ITSN1: variants seen among roughly 807,000 people sequenced by gnomAD.
The protein encoded by ITSN1 is intersectin-1.
A neutral mutation model predicts 239.8 loss-of-function variants in ITSN1; 58 were observed. That is an observed-to-expected ratio of 0.24 (90% CI 0.20 to 0.30). The LOEUF is 0.30. Among genes scored for constraint, ITSN1 ranks in the 10% least tolerant of loss-of-function variants. The pLI is 1.00. For missense variants in ITSN1, 1,558 were observed against 2,103.3 expected (o/e 0.74, Z 5.07); for synonymous variants, 780 against 770.8 (o/e 1.01, Z -0.20).
chr21:33,698,299 C>G (rs1423066213), intron 1 of ITSN1, among the ~76,000 whole-genome samples: 1 of 152,048 alleles, frequency 6.6e-6, no homozygotes, highest in Non-Finnish European at 1.5e-5. Flanking sequence ...ATTGCTGGAC[C>G]CTGGTCATTC....
chr21:33,861,262 G>A (rs1222648808), intron 31 of ITSN1, among the ~76,000 whole-genome samples: 2 of 152,156 alleles, frequency 1.3e-5, no homozygotes, highest in East Asian at 1.9e-4. Flanking sequence ...ACTGTGATGA[G>A]GGGAGATCGA....
At chr21:33,728,037 T>C (rs1416424630) in intron 4 of ITSN1, among the ~76,000 whole-genome samples, 2 of 151,578 alleles carry the variant, frequency 1.3e-5, no homozygotes, top group African/African-American at 2.4e-5. Flanking sequence ...CAATCTGGGC[T>C]CACTGCAACC....
chr21:33,875,620 G>A (rs1983605239), intron 34 of ITSN1, 99 bp downstream of exon 34: 1 of 1,077,716 alleles, frequency 9.3e-7, no homozygotes, highest in Non-Finnish European at 1.3e-6. Context: ...CTCCTCCCCA[G>A]CCGATAGCAT....
rs1450316114 is a variant in ITSN1, at chr21:33,689,827, G to A, written c.-32-28970G>A. 2.6e-5 allele frequency among the ~76,000 whole-genome samples: 4 copies of A among 151,914 alleles called. 1 individual carries two copies. Among genetic ancestry groups the A allele is most frequent in the Admixed American group, 1.3e-4 (2 of 15,238 alleles). ...TACTGAAAATACAAAAGTTAGCCGGGCATGGTGGCGCACGCCTGTAATCCC... is the reference window on the plus strand; with the variant it reads ...TACTGAAAATACAAAAGTTAGCCGGACATGGTGGCGCACGCCTGTAATCCC... On this transcript the variant is annotated intron_variant, in intron 1 of 39. Coordinates refer to ENST00000381318, the MANE Select transcript of ITSN1 (RefSeq NM_003024.3).
intron 33 of ITSN1, among the ~76,000 whole-genome samples, chr21:33,868,149 CCAGTGG>C (rs1981996033): frequency 6.6e-6 from 1 of 152,170 alleles, no homozygotes; most frequent in South Asian, 2.1e-4. Context: ...TTGGTAGAGC[CCAGTGG>C]CCTGTTTTGA....
chr21:33,747,999 T>G (rs2067288412), intron 5 of ITSN1, among the ~76,000 whole-genome samples: 1 of 152,074 alleles, frequency 6.6e-6, no homozygotes, highest in African/African-American at 2.4e-5. Context: ...TATAAAGTAA[T>G]AATTATAACT....
chr21:33,670,149 C>T (rs2090176090), intron 1 of ITSN1, among the ~76,000 whole-genome samples: 2 of 152,106 alleles, frequency 1.3e-5, no homozygotes, highest in Non-Finnish European at 2.9e-5. Context: ...ATCACTTGAG[C>T]CCAGGACCAG....
At chr21:33,848,949 C>T (rs1039523535) in intron 29 of ITSN1, among the ~76,000 whole-genome samples, 1 of 152,232 alleles carries the variant, frequency 6.6e-6, no homozygotes, top group Non-Finnish European at 1.5e-5. Context: ...TTGAATTAGA[C>T]CTAGTATTTG....
At chr21:33,796,144 A>G (rs1334057502) in intron 17 of ITSN1, among the ~76,000 whole-genome samples, 2 of 151,898 alleles carry the variant, frequency 1.3e-5, no homozygotes, top group African/African-American at 2.4e-5. Flanking sequence ...TTATATTATT[A>G]GTAGAGATGG....
chr21:33,678,053 G>T (rs1446111326), intron 1 of ITSN1, among the ~76,000 whole-genome samples: 1 of 152,114 alleles, frequency 6.6e-6, no homozygotes, highest in Non-Finnish European at 1.5e-5. Context: ...TAAAATCCAA[G>T]CCTTACTATA....
At chr21:33,807,949 G>C (rs975081202) in intron 20 of ITSN1, among the ~76,000 whole-genome samples, 2 of 152,002 alleles carry the variant, frequency 1.3e-5, no homozygotes, top group Non-Finnish European at 2.9e-5. Context: ...ACTTTGGGAG[G>C]CCGAGGCGGG....
intron 5 of ITSN1, among the ~76,000 whole-genome samples, chr21:33,736,985 A>T (rs1262019904): frequency 6.6e-6 from 1 of 152,168 alleles, no homozygotes; most frequent in Non-Finnish European, 1.5e-5. Flanking sequence ...ACCCTGTCTT[A>T]AAAAACAAAA....
Position 33,811,150 on chromosome 21 carries a change from C to A in ITSN1, c.2495C>A (p.Thr832Asn). 1.2e-6 allele frequency: 2 copies of A among 1,610,734 alleles called. No individual in the cohort carries two copies. Among genetic ancestry groups the A allele is most frequent in the Non-Finnish European group, 1.7e-6 (2 of 1,179,462 alleles). Residue 832 changes from threonine to asparagine, a missense_variant, in exon 21 of 40, where the codon ACC (threonine) becomes AAC (asparagine). Physicochemically the swap from Thr to Asn is moderately conservative, Grantham distance 65. This residue lies in a region of ITSN1 where 982 missense variants were observed against 1,209.9 expected (regional missense o/e 0.81). Coordinates refer to ENST00000381318, the MANE Select transcript of ITSN1 (RefSeq NM_003024.3). ...GCCCCCAAACTGGCCTTGCGTGAGA[C>A]CCCCGCCCCTTTGGCAGTAACCTCT... is the stretch of plus-strand genomic sequence containing the variant. ...APAPKLALRE[T>N]PAPLAVTSSE...
rs1424764006 is a variant in ITSN1 at position 33,893,150 on chromosome 21, C to G, written c.*4850C>G. 1 of 152,260 alleles carries G rather than the reference C, an allele frequency of 6.6e-6. No individual in the cohort carries two copies. Among genetic ancestry groups the G allele is most frequent in the Non-Finnish European group, 1.5e-5 (1 of 68,078 alleles). 9.4% of individuals were successfully genotyped at this position (152,260 alleles called of 1,614,324 possible). ...AAGACGTGGCTCAGTCCCTGCTCTC[C>G]TTGTCGCAGTGGCTTGTACTTCATG... On this transcript the variant is annotated 3_prime_UTR_variant, in exon 40 of 40. Coordinates refer to ENST00000381318, the MANE Select transcript of ITSN1 (RefSeq NM_003024.3).
intron 24 of ITSN1, among the ~76,000 whole-genome samples, chr21:33,822,450 A>G (rs1360620559): frequency 6.6e-6 from 1 of 152,176 alleles, no homozygotes; most frequent in Non-Finnish European, 1.5e-5. Context: ...AAATACATAC[A>G]AAAGCCTAGG....
intron 1 of ITSN1, among the ~76,000 whole-genome samples, chr21:33,706,682 T>A (rs2146898998): frequency 6.6e-6 from 1 of 152,334 alleles, no homozygotes; most frequent in Admixed American, 6.5e-5. Context: ...ATCTGCCACT[T>A]AACTTGCTCA....
intron 9 of ITSN1, among the ~76,000 whole-genome samples, chr21:33,763,981 A>T (rs1006084560): frequency 6.6e-6 from 1 of 152,198 alleles, no homozygotes; most frequent in African/African-American, 2.4e-5. Context: ...TGTATGAAAG[A>T]GCTTGCCTTT....
chr21:33,772,179 G>GC lies in ITSN1; in HGVS notation c.1162dup (p.Arg388ProfsTer10), dbSNP rs1569145829. 1 of 1,614,144 alleles carries GC rather than the reference G, an allele frequency of 6.2e-7. No individual in the cohort carries two copies. On this transcript the variant is annotated frameshift_variant, in exon 12 of 40. Transcript: ENST00000381318. LOFTEE classifies it high-confidence loss of function. The stretch of plus-strand genomic sequence containing the variant: ...AGCAGGAGCGCCTGGCCCAGCTGGA[G>GC]CGGGCGGAGCAGGAGAGGAAGGAGC...
chr21:33,657,866 G>A (rs1293331549), intron 1 of ITSN1, among the ~76,000 whole-genome samples: 3 of 152,124 alleles, frequency 2.0e-5, no homozygotes, highest in Non-Finnish European at 2.9e-5. Context: ...TACTCTTGTA[G>A]TCCCAGCTAC....
Sources: allele counts gnomAD v4.1 joint callset (sites outside exome capture counted in the v4.1 genomes callset), GRCh38; gene constraint gnomAD v4.1.1; regional missense constraint gnomAD v4.1.1; transcripts MANE v1.5; gene names NCBI Gene and HGNC (gene_info 2026-07-23, HGNC 2026-07-21).